The following LRP11 variants were observed in gnomAD, a reference collection of about 807,000 sequenced individuals.
LRP11 encodes LDL receptor related protein 11, also known as low-density lipoprotein receptor-related protein 11.
In LRP11, 25 loss-of-function variants were observed where a neutral mutation model predicts 43.1. The observed-to-expected ratio is 0.58, with a 90% confidence interval of 0.42 to 0.81. LRP11 has a LOEUF of 0.81. Ranked by LOEUF, LRP11 falls within the 30% of genes least tolerant of loss-of-function variation. LRP11 has a pLI of 0.00. For missense variants in LRP11, 623 were observed against 665.1 expected (o/e 0.94, Z 0.70); for synonymous variants, 316 against 299.4 (o/e 1.06, Z -0.57).
At chr6:149,850,033 AG>A (rs1246747996) in intron 2 of LRP11, among the ~76,000 whole-genome samples, 1 of 152,150 alleles carries the variant, frequency 6.6e-6, no homozygotes, top group Non-Finnish European at 1.5e-5. Context: ...GGTGGAGAGC[AG>A]GGGAGATGAG....
At chr6:149,860,797 CT>C (rs1412697432) in intron 1 of LRP11, among the ~76,000 whole-genome samples, 11 of 152,200 alleles carry the variant, frequency 7.2e-5, no homozygotes, top group African/African-American at 2.7e-4. Context: ...CCTTTCTCAG[CT>C]TCTGCTGGTG....
intron 1 of LRP11, among the ~76,000 whole-genome samples, chr6:149,858,338 T>TC: frequency 6.6e-6 from 1 of 152,326 alleles, no homozygotes; most frequent in Non-Finnish European, 1.5e-5. Flanking sequence ...GAGAATGGTT[T>TC]CCAGCTTCAC....
chr6:149,846,676 G>A (rs530209425), intron 2 of LRP11, among the ~76,000 whole-genome samples: 2 of 152,264 alleles, frequency 1.3e-5, no homozygotes, highest in Admixed American at 6.5e-5. Flanking sequence ...AGTGGCTCAC[G>A]CCTGTAATCT....
chr6:149,861,326 T>C (rs943197128), intron 1 of LRP11, among the ~76,000 whole-genome samples: 13 of 152,158 alleles, frequency 8.5e-5, no homozygotes, highest in Admixed American at 2.0e-4. Context: ...CGCGTTTCCA[T>C]GTTGCTGGGA....
chr6:149,844,642 A>G (rs1290076483), intron 2 of LRP11, among the ~76,000 whole-genome samples: 1 of 152,206 alleles, frequency 6.6e-6, no homozygotes, highest in Non-Finnish European at 1.5e-5. Context: ...ACTAGTCTGG[A>G]TATTGTCCTC....
At chr6:149,825,443 A>G (rs940364184) in intron 6 of LRP11, among the ~76,000 whole-genome samples, 2 of 152,190 alleles carry the variant, frequency 1.3e-5, no homozygotes, top group Admixed American at 1.3e-4. Flanking sequence ...TTCATCGTAA[A>G]TAACTGAGTA....
chr6:149,840,537 A>C (rs1418149635), intron 3 of LRP11, among the ~76,000 whole-genome samples: 1 of 152,246 alleles, frequency 6.6e-6, no homozygotes, highest in South Asian at 2.1e-4. Flanking sequence ...GAAATAAACC[A>C]GGACAAACAA....
chr6:149,846,432 C>T (rs1354721939), intron 2 of LRP11, among the ~76,000 whole-genome samples: 2 of 152,152 alleles, frequency 1.3e-5, no homozygotes, highest in Admixed American at 1.3e-4. Context: ...GCTGCTCTGT[C>T]CCAGCTGCTC....
chr6:149,821,871 T>C (rs897087346), intron 6 of LRP11, among the ~76,000 whole-genome samples: 2 of 152,228 alleles, frequency 1.3e-5, no homozygotes, highest in East Asian at 3.8e-4. Flanking sequence ...CCTTCTTCCA[T>C]GTGCCAGACA....
chr6:149,856,791 C>A (rs57219859), intron 1 of LRP11, among the ~76,000 whole-genome samples: 1 of 152,070 alleles, frequency 6.6e-6, no homozygotes, highest in Non-Finnish European at 1.5e-5. Flanking sequence ...TGCACAGAGC[C>A]TCCATGACAA....
chr6:149,854,009 C>A (rs1412114001), intron 1 of LRP11, among the ~76,000 whole-genome samples: 1 of 152,192 alleles, frequency 6.6e-6, no homozygotes, highest in Non-Finnish European at 1.5e-5. Context: ...TCTCTGGAAT[C>A]CAATTTTTCA....
chr6:149,838,019 G>C (rs948441792), intron 3 of LRP11, among the ~76,000 whole-genome samples: 2 of 152,138 alleles, frequency 1.3e-5, no homozygotes, highest in Admixed American at 1.3e-4. Flanking sequence ...CCGGGTTCAA[G>C]AGATTCTCTT....
intron 1 of LRP11, among the ~76,000 whole-genome samples, chr6:149,858,694 T>C (rs1776839977): frequency 6.6e-6 from 1 of 152,224 alleles, no homozygotes; most frequent in African/African-American, 2.4e-5. Flanking sequence ...TATTGGTATA[T>C]TCCTGTTATT....
chr6:149,851,688 T>C (rs1277744899), intron 2 of LRP11, among the ~76,000 whole-genome samples: 3 of 152,288 alleles, frequency 2.0e-5, no homozygotes, highest in Non-Finnish European at 4.4e-5. Flanking sequence ...CTTCTGCCCT[T>C]GGAAAAGTCA....
chr6:149,838,897 G>A (rs1406377633), intron 3 of LRP11, among the ~76,000 whole-genome samples: 1 of 152,078 alleles, frequency 6.6e-6, no homozygotes, highest in African/African-American at 2.4e-5. Flanking sequence ...AAGGCTAGAA[G>A]CAGGTCACAG....
chr6:149,859,396 A>ATT (rs1163759560), intron 1 of LRP11, among the ~76,000 whole-genome samples: 45 of 71,496 alleles, frequency 6.3e-4, no homozygotes, highest in East Asian at 8.8e-4. Flanking sequence ...ATATATATAT[A>ATT]TTTTTTTTTT....
At chr6:149,852,583 G>C (rs1263245999) in intron 2 of LRP11, 1 of 152,766 alleles carries the variant, frequency 6.5e-6, no homozygotes, top group Non-Finnish European at 1.5e-5. Context: ...TCTACTTTCC[G>C]GCTCATGTGA....
At chr6:149,826,677 G>A (rs1480580601) in intron 5 of LRP11, among the ~76,000 whole-genome samples, 1 of 152,054 alleles carries the variant, frequency 6.6e-6, no homozygotes, top group East Asian at 1.9e-4. Context: ...CGGATATCAC[G>A]CCATGAAAAG....
intron 1 of LRP11, among the ~76,000 whole-genome samples, chr6:149,857,983 A>G (rs996695904): frequency 6.6e-6 from 1 of 152,176 alleles, no homozygotes; most frequent in African/African-American, 2.4e-5. Context: ...TGATGCAGAA[A>G]CTAGGCTCAG....
Sources: allele counts gnomAD v4.1 joint callset (sites outside exome capture counted in the v4.1 genomes callset), GRCh38; gene constraint gnomAD v4.1.1; transcripts MANE v1.5; gene names NCBI Gene and HGNC (gene_info 2026-07-23, HGNC 2026-07-21).